The following TMEM135 variants were observed in gnomAD, a reference collection of about 807,000 sequenced individuals.
TMEM135 encodes the protein peroxisomal membrane protein 52.
TMEM135 carries 30 observed loss-of-function variants against 60.3 expected under a neutral mutation model. The ratio of observed to expected loss-of-function variants is 0.50; its 90% CI spans 0.37 to 0.68. The LOEUF (loss-of-function observed/expected upper bound fraction) is 0.68. TMEM135 is among the 30% of genes least tolerant of loss of function. The pLI is 0.00. For missense variants in TMEM135, 468 were observed against 548.8 expected, an observed-to-expected ratio of 0.85 and a Z score of 1.47; for synonymous variants, 190 against 186.7, an observed-to-expected ratio of 1.02 and a Z score of -0.14.
chr11:87,182,291 A>G (rs979334274), intron 5 of TMEM135, among the ~76,000 whole-genome samples: 1 of 152,126 alleles, frequency 6.6e-6, no homozygotes, highest in Non-Finnish European at 1.5e-5. Context: ...AAGGAACAAA[A>G]GCTCTCTTTT....
chr11:87,298,937 A>T (rs1251000626), intron 7 of TMEM135, among the ~76,000 whole-genome samples: 6 of 152,032 alleles, frequency 3.9e-5, no homozygotes, highest in Non-Finnish European at 2.9e-5. Context: ...AATACAAAAA[A>T]ATTAGCTGGG....
At chr11:87,160,195 G>A (rs1254877658) in intron 5 of TMEM135, among the ~76,000 whole-genome samples, 2 of 152,158 alleles carry the variant, frequency 1.3e-5, no homozygotes, top group Non-Finnish European at 2.9e-5. Context: ...CCTCCTCCCT[G>A]TTCTGGCTTT....
At chr11:87,250,967 A>T (rs1309456397) in intron 6 of TMEM135, among the ~76,000 whole-genome samples, 1 of 152,164 alleles carries the variant, frequency 6.6e-6, no homozygotes, top group Non-Finnish European at 1.5e-5. Context: ...TGGCAATGAT[A>T]CGGTGGAGAG....
intron 6 of TMEM135, among the ~76,000 whole-genome samples, chr11:87,258,539 A>G (rs1349298089): frequency 6.6e-6 from 1 of 152,120 alleles, no homozygotes. Context: ...GTCAGTTCCT[A>G]CCCCACAGGA....
chr11:87,069,264 G>C (rs1037947592), intron 2 of TMEM135, among the ~76,000 whole-genome samples: 1 of 115,148 alleles, frequency 8.7e-6, no homozygotes, highest in Admixed American at 1.2e-4. Flanking sequence ...CAGCCTGGGT[G>C]ACAGAGTAAG....
At chr11:87,105,179 C>T (rs1405036082) in intron 4 of TMEM135, among the ~76,000 whole-genome samples, 4 of 152,150 alleles carry the variant, frequency 2.6e-5, no homozygotes, top group African/African-American at 7.2e-5. Context: ...TTTCATCCTT[C>T]GTCCTGCTAA....
At chr11:87,244,468 A>C (rs2135382659) in intron 6 of TMEM135, among the ~76,000 whole-genome samples, 1 of 96,978 alleles carries the variant, frequency 1.0e-5, no homozygotes, top group East Asian at 2.1e-4. Context: ...TCGGCTGTGA[A>C]TCCATCTGTC....
intron 5 of TMEM135, among the ~76,000 whole-genome samples, chr11:87,229,031 T>G (rs1051342508): frequency 6.6e-6 from 1 of 152,174 alleles, no homozygotes; most frequent in Non-Finnish European, 1.5e-5. Flanking sequence ...ATTGTAAATC[T>G]GTCATTTCCT....
Position 87,302,311 on chromosome 11 carries a change from G to A in TMEM135, c.567G>A (p.Lys189=), listed in dbSNP as rs1236924225. ...TFSALRFIVG[K]EEIPTHSFSP... ...TTTTCTTTAGGTTCATTGTAGGGAA[G>A]GAAGAAATTCCCACACATTCTTTTT... The change falls in exon 8 of 15, where the codon AAG becomes AAA. Residue 189 remains lysine (K), a synonymous_variant. Coordinates refer to ENST00000305494, the MANE Select transcript of TMEM135 (RefSeq NM_022918.4). 1 of 1,613,446 alleles carries A rather than the reference G, an allele frequency of 6.2e-7. No homozygotes were observed. Among genetic ancestry groups the A allele is most frequent in the Non-Finnish European group, 8.5e-7 (1 of 1,179,872 alleles).
chr11:87,279,739 G>C (rs1942027722), intron 6 of TMEM135, among the ~76,000 whole-genome samples: 1 of 152,152 alleles, frequency 6.6e-6, no homozygotes, highest in Admixed American at 6.5e-5. Context: ...TAACTTATTG[G>C]TATAGTCTTG....
rs56802824 is a variant in TMEM135 at position 87,268,255 on chromosome 11, ATATTTATTTATTTATTTATTTATT to A, written c.510-27509_510-27486del. On this transcript the variant is annotated intron_variant, in intron 6 of 14. Transcript: ENST00000305494. The stretch of plus-strand genomic sequence containing the variant: ...AGGCAGGCACCCTCACCACACCTAG[ATATTTATTTATTTATTTATTTATT>A]TATTTATTTATTTATTTGTAAAGAC... Among the ~76,000 whole-genome samples the A allele has an allele frequency of 2.2e-5, 3 of 136,800 alleles. No homozygotes were observed. In the South Asian group the frequency reaches 7.3e-4, roughly 33 times the overall value. 89.7% of individuals were successfully genotyped at this position (136,800 alleles called of 152,430 possible). A position where few individuals can be genotyped will look rare whatever the true frequency, so the allele number is the denominator to read the frequency against.
At chr11:87,162,547 G>T (rs1303336104) in intron 5 of TMEM135, among the ~76,000 whole-genome samples, 1 of 130,986 alleles carries the variant, frequency 7.6e-6, no homozygotes, top group Non-Finnish European at 1.6e-5. Context: ...CAAAGGACAT[G>T]AAGTCATCCC....
Position 87,239,667 on chromosome 11 carries a change from A to G in TMEM135, c.509+2983A>G, listed in dbSNP as rs540538482. On this transcript the variant is annotated intron_variant, in intron 6 of 14. Coordinates refer to ENST00000305494, the MANE Select transcript of TMEM135 (RefSeq NM_022918.4). The stretch of plus-strand genomic sequence containing the variant: ...AGAATTTTATATTTGAAATAAGTCA[A>G]CTTGTGTTTTTATCCTAATCTGTGA... Among the ~76,000 whole-genome samples, 16 of 152,012 alleles carry G rather than the reference A, an allele frequency of 1.1e-4. No homozygotes were observed. In the East Asian group the frequency reaches 2.7e-3, roughly 26 times the overall value.
At chr11:87,125,629 G>C (rs775581950) in intron 4 of TMEM135, among the ~76,000 whole-genome samples, 23 of 152,144 alleles carry the variant, frequency 1.5e-4, no homozygotes, top group Non-Finnish European at 2.8e-4. Flanking sequence ...TGTAGGCTGT[G>C]GTAAAGAGTT....
intron 3 of TMEM135, among the ~76,000 whole-genome samples, chr11:87,080,655 AT>A (rs1456315956): frequency 6.6e-6 from 1 of 151,836 alleles, no homozygotes; most frequent in Non-Finnish European, 1.5e-5. Context: ...CTCAGATATT[AT>A]TTGTTCTGAA....
In TMEM135 at chr11:87,325,994, C is replaced by T. The variant is rs1942906659; in HGVS notation, c.*4661C>T. On this transcript the variant is annotated 3_prime_UTR_variant, in exon 15 of 15. Transcript: ENST00000305494. ...AAATCCCAGTATATTACCACAGACA[C>T]ACATACCATCTGGTCACCAACAGGG... 1 of 453,982 alleles carries T rather than the reference C, an allele frequency of 2.2e-6. No homozygotes were observed. The highest frequency in any genetic ancestry group is 4.4e-6 in the Non-Finnish European group (1 of 226,770). The allele number at this position is 453,982 out of a possible 1,614,324, so 28.1% of individuals were successfully genotyped here.
At chr11:87,118,017 C>G (rs1857935009) in intron 4 of TMEM135, among the ~76,000 whole-genome samples, 1 of 152,172 alleles carries the variant, frequency 6.6e-6, no homozygotes, top group Non-Finnish European at 1.5e-5. Context: ...CAACATTAAT[C>G]TTGTACATCC....
rs1185767870 is a variant in TMEM135, at chr11:87,324,420, G to C, written c.*3087G>C. 4.4e-6 allele frequency: 2 copies of C among 453,796 alleles called. No homozygotes were observed. Among genetic ancestry groups the C allele is most frequent in the Non-Finnish European group, 8.8e-6 (2 of 226,722 alleles). The allele number at this position is 453,796 out of a possible 1,614,324, so 28.1% of individuals were successfully genotyped here. On this transcript the variant is annotated 3_prime_UTR_variant, in exon 15 of 15. Coordinates refer to ENST00000305494, the MANE Select transcript of TMEM135 (RefSeq NM_022918.4). ...CAGAGATTCCTTAAATTCTCCGTGT[G>C]ATTTATTTTTTTATTTTTTGAGTTG...
chr11:87,173,231 T>C (rs1435489410), intron 5 of TMEM135, among the ~76,000 whole-genome samples: 1 of 152,202 alleles, frequency 6.6e-6, no homozygotes, highest in Non-Finnish European at 1.5e-5. Flanking sequence ...CTGAGACTGA[T>C]GCCTAGTAGA....
Sources: allele counts gnomAD v4.1 joint callset (sites outside exome capture counted in the v4.1 genomes callset), GRCh38; gene constraint gnomAD v4.1.1; transcripts MANE v1.5; gene names NCBI Gene and HGNC (gene_info 2026-07-23, HGNC 2026-07-21).